Variants in ERCC2 observed in about 807,000 individuals in gnomAD.
The protein encoded by ERCC2 is ERCC excision repair 2, TFIIH core complex helicase subunit.
ERCC2 carries 90 observed loss-of-function variants against 99.4 expected under a neutral mutation model. The observed-to-expected ratio is 0.91, with a 90% confidence interval of 0.76 to 1.08. ERCC2 has a LOEUF of 1.08. Among genes scored for constraint, ERCC2 ranks in the 50% least tolerant of loss-of-function variants. The pLI, the probability that ERCC2 is intolerant of heterozygous loss-of-function variation, is 0.00. For missense variants in ERCC2, 993 were observed against 1,038.1 expected (o/e 0.96, Z 0.60); for synonymous variants, 497 against 432.4 (o/e 1.15, Z -1.85).
At chr19:45,361,922 GTTC>G (rs1972237362) in intron 11 of ERCC2, 8 of 430,286 alleles carry the variant, frequency 1.9e-5, no homozygotes, top group South Asian at 4.6e-5. Flanking sequence ...TCCTAAGTGG[GTTC>G]TTTTTTTCTT....
chr19:45,354,221 C>A (rs1971934061), intron 17 of ERCC2, among the ~76,000 whole-genome samples: 1 of 152,178 alleles, frequency 6.6e-6, no homozygotes, highest in African/African-American at 2.4e-5. Context: ...TGCTGGTCAC[C>A]CAGGGCCTGG....
intron 15 of ERCC2, among the ~76,000 whole-genome samples, chr19:45,356,101 C>T (rs1465560432): frequency 6.6e-6 from 1 of 152,158 alleles, no homozygotes; most frequent in African/African-American, 2.4e-5. Context: ...GGAACCGGAC[C>T]CGAGTCTGTC....
At chr19:45,369,036 T>C (rs1226634826) in intron 3 of ERCC2, 34 bp downstream of exon 3, 1 of 1,614,008 alleles carries the variant, frequency 6.2e-7, no homozygotes. Flanking sequence ...GCCCCTTCCT[T>C]TGTCTGCCTT....
chr19:45,352,864 T>C, intron 19 of ERCC2, 48 bp from the exon 20 acceptor site: 1 of 1,560,752 alleles, frequency 6.4e-7, no homozygotes, highest in Non-Finnish European at 8.8e-7. Flanking sequence ...GTGTGGCTGG[T>C]GGGACAGGGA....
chr19:45,355,849 G>A lies in ERCC2; in HGVS notation c.1480-121C>T, dbSNP rs1037095923. ...TTTTTTTTTTAAAGAGAGACAGGGT[G>A]TCACCATGTTGCCCAGGCTGATCTT... On this transcript the variant is annotated intron_variant, in intron 15 of 22. Transcript: ENST00000391945. 2.4e-5 allele frequency: 19 copies of A among 788,286 alleles called. No individual in the cohort carries two copies. In the Middle Eastern group the frequency reaches 1.0e-3, roughly 42 times the overall value. 48.8% of individuals were successfully genotyped at this position (788,286 alleles called of 1,614,324 possible). A position where few individuals can be genotyped will look rare whatever the true frequency, so the allele number is the denominator to read the frequency against.
chr19:45,354,929 G>A lies in ERCC2; in HGVS notation c.1544-78C>T, dbSNP rs1971961003. ...TCTGTCTTAGAACTAGGAGTTTCTG[G>A]AAACCCCACTGAGGCTGCCTGTCAG... is the stretch of plus-strand genomic sequence containing the variant. On this transcript the variant is annotated intron_variant, in intron 16 of 22. Coordinates refer to ENST00000391945, the MANE Select transcript of ERCC2 (RefSeq NM_000400.4). 5.0e-6 allele frequency: 8 copies of A among 1,590,846 alleles called. No individual in the cohort carries two copies. The South Asian group carries it at 6.6e-5, about 13-fold the overall frequency.
Position 45,352,327 on chromosome 19 carries a change from C to G in ERCC2, c.2072G>C (p.Gly691Ala). 1 of 1,614,020 alleles carries G rather than the reference C, an allele frequency of 6.2e-7. No individual in the cohort carries two copies. The change falls in exon 22 of 23, where the codon GGG becomes GCG. Residue 691 changes from glycine to alanine, a missense_variant. By Grantham distance (60) the Gly-to-Ala change is moderately conservative. Around this residue, in one of 3 missense-constraint regions of ERCC2, gnomAD observed 909 missense variants for 930.8 expected, o/e 0.98. Coordinates refer to ENST00000391945, the MANE Select transcript of ERCC2 (RefSeq NM_000400.4). ...DKRFARGDKR[G>A]KLPRWIQEHL... is the part of the protein sequence containing the mutation. ...CTCCTGGATCCAGCGGGGCAGCTTC[C>G]CCCGCTTGTCCCCACGGGCAAACCG...
intron 5 of ERCC2, among the ~76,000 whole-genome samples, chr19:45,367,056 A>T (rs955211915): frequency 2.6e-5 from 4 of 151,786 alleles, no homozygotes; most frequent in Non-Finnish European, 5.9e-5. Context: ...ATAATAAATA[A>T]GGCTGGGCAC....
At position 45,361,581 on chromosome 19, in the gene ERCC2, A is replaced by G; in HGVS notation, c.1180T>C (p.Phe394Leu). Residue 394 changes from phenylalanine (F) to leucine (L), a missense_variant, in exon 12 of 23, where the codon TTC becomes CTC. Phe to Leu is a conservative substitution (Grantham distance 22). Transcript: ENST00000391945. Reference protein sequence around the residue: ...HTLEITDLADFSPLTLLANFA... With the variant: ...HTLEITDLADLSPLTLLANFA... ...TTAGCAAGGAGGGTGAGCGGGGAGA[A>G]GTCAGCAAGGTCGGTGATCTCCAGA... is the stretch of plus-strand genomic sequence containing the variant. 1 of 1,614,074 alleles carries G rather than the reference A, an allele frequency of 6.2e-7. No individual in the cohort carries two copies. Among genetic ancestry groups the G allele is most frequent in the Non-Finnish European group, 8.5e-7 (1 of 1,179,968 alleles).
intron 11 of ERCC2, among the ~76,000 whole-genome samples, chr19:45,363,021 T>A (rs1176865016): frequency 6.6e-6 from 1 of 152,156 alleles, no homozygotes; most frequent in Non-Finnish European, 1.5e-5. Context: ...GTGATTGGCT[T>A]CGCTGCTCTC....
In ERCC2 at chr19:45,351,565, G is replaced by A. The variant is rs1971778974; in HGVS notation, c.*64C>T. 3 of 1,610,104 alleles carry A rather than the reference G, an allele frequency of 1.9e-6. No individual in the cohort carries two copies. The highest frequency in any genetic ancestry group is 1.1e-5 in the South Asian group (1 of 91,042). ...AAGACCTTCTAGCACCACCGCCGCT[G>A]GGAACCAGGGCCAGGCAAGACTCAG... is the stretch of plus-strand genomic sequence containing the variant. On this transcript the variant is annotated 3_prime_UTR_variant, in exon 23 of 23. Coordinates refer to ENST00000391945, the MANE Select transcript of ERCC2 (RefSeq NM_000400.4).
In ERCC2 at chr19:45,364,542, C is replaced by A. The variant is rs1483809865; in HGVS notation, c.600G>T (p.Leu200=). The A allele has an allele frequency of 6.2e-7, 1 of 1,613,090 alleles. No individual in the cohort carries two copies. Among genetic ancestry groups the A allele is most frequent in the Non-Finnish European group, 8.5e-7 (1 of 1,179,978 alleles). ...AGCTATAAACCACCACATTGGCATG[C>A]AGGATCTGGGGGGCCGGGGAGCAGG... ...CPYFLARYSI[L]HANVVVYSYH... is the part of the protein sequence containing the mutation. Residue 200 remains leucine (L), a synonymous_variant, in exon 8 of 23, where the codon CTG becomes CTT. Transcript: ENST00000391945.
chr19:45,351,322 C>T lies in ERCC2; in HGVS notation c.*307G>A, dbSNP rs760932431. The T allele has an allele frequency of 1.9e-6, 3 of 1,612,078 alleles. No individual in the cohort carries two copies. Among genetic ancestry groups the T allele is most frequent in the African/African-American group, 2.7e-5 (2 of 74,882 alleles). ...GCACCTGGACAAGGCCCCTCGGACC[C>T]TCAGCGCCAGCACCCAGGACCTGAG... On this transcript the variant is annotated 3_prime_UTR_variant, in exon 23 of 23. Transcript: ENST00000391945.
chr19:45,357,998 C>T, intron 12 of ERCC2: 1 of 510,644 alleles, frequency 2.0e-6, no homozygotes, highest in Admixed American at 3.2e-5. Context: ...TGCCCAGCAC[C>T]CACGCCAAAG....
intron 16 of ERCC2, 106 bp from the exon 17 acceptor site, chr19:45,354,957 T>C: frequency 2.1e-6 from 3 of 1,420,918 alleles, no homozygotes; most frequent in South Asian, 1.2e-5. Flanking sequence ...CCTGTCAGGC[T>C]TTTCACACAT....
intron 11 of ERCC2, 86 bp from the exon 12 acceptor site, chr19:45,361,728 G>A (rs748649093): frequency 2.5e-5 from 25 of 1,018,864 alleles, no homozygotes; most frequent in East Asian, 4.9e-5. Flanking sequence ...CGACGGTCAC[G>A]TGCCTGTCTC....
At chr19:45,362,870 T>C (rs1014557726) in intron 11 of ERCC2, among the ~76,000 whole-genome samples, 2 of 152,210 alleles carry the variant, frequency 1.3e-5, no homozygotes, top group Non-Finnish European at 2.9e-5. Context: ...CCGGGCACAG[T>C]GCTGTGTGGC....
chr19:45,354,246 G>A (rs549930775), intron 17 of ERCC2, among the ~76,000 whole-genome samples: 57 of 152,322 alleles, frequency 3.7e-4, no homozygotes, highest in African/African-American at 1.3e-3. Context: ...GGTGAGCCCT[G>A]TTTCCAGAAT....
At chr19:45,357,418 C>T in intron 14 of ERCC2, 47 bp from the exon 15 acceptor site, 2 of 1,609,656 alleles carry the variant, frequency 1.2e-6, no homozygotes, top group East Asian at 4.5e-5. Flanking sequence ...GGGCAGGGAC[C>T]AGGAGGCCCA....
Sources: allele counts gnomAD v4.1 joint callset (sites outside exome capture counted in the v4.1 genomes callset), GRCh38; gene constraint gnomAD v4.1.1; regional missense constraint gnomAD v4.1.1; transcripts MANE v1.5; gene names NCBI Gene and HGNC (gene_info 2026-07-23, HGNC 2026-07-21).